The following ACMSD variants were observed in gnomAD, a reference collection of about 807,000 sequenced individuals.
ACMSD encodes aminocarboxymuconate semialdehyde decarboxylase, also known as 2-amino-3-carboxymuconate-6-semialdehyde decarboxylase.
A neutral mutation model predicts 45.9 loss-of-function variants in ACMSD; 37 were observed. The observed-to-expected ratio is 0.81, with a 90% CI of 0.62 to 1.06. ACMSD has a LOEUF of 1.06. Among genes scored for constraint, ACMSD ranks in the 50% least tolerant of loss-of-function variants. The pLI is 0.00. For missense variants in ACMSD, 434 were observed against 420.9 expected (o/e 1.03, Z -0.27); for synonymous variants, 138 against 148.8 (o/e 0.93, Z 0.53).
intron 1 of ACMSD, among the ~76,000 whole-genome samples, chr2:134,842,746 C>T (rs967353809): frequency 5.9e-5 from 9 of 152,186 alleles, no homozygotes; most frequent in Admixed American, 2.6e-4. Context: ...AAACTTATGT[C>T]CCCACCACTC....
chr2:134,848,285 GTA>G (rs1687175218), intron 2 of ACMSD, among the ~76,000 whole-genome samples: 1 of 152,090 alleles, frequency 6.6e-6, no homozygotes, highest in Non-Finnish European at 1.5e-5. Context: ...AATCCTTTGG[GTA>G]TATACCCAGT....
At chr2:134,839,254 G>A (rs887709787) in intron 1 of ACMSD, among the ~76,000 whole-genome samples, 1 of 152,014 alleles carries the variant, frequency 6.6e-6, no homozygotes, top group African/African-American at 2.4e-5. Flanking sequence ...ACTGTTTGAT[G>A]TTCTTTATTC....
In ACMSD at chr2:134,865,354, G is replaced by A. The variant is rs73962619; in HGVS notation, c.486+1723G>A. On this transcript the variant is annotated intron_variant, in intron 5 of 9. Coordinates refer to ENST00000356140, the MANE Select transcript of ACMSD (RefSeq NM_138326.3). ...TATGCATCCAAGTTGTTTCAGCACA[G>A]TGTGATCGAGACTTCAGCTGCAAGT... 3.4e-3 allele frequency among the ~76,000 whole-genome samples: 522 copies of A among 152,354 alleles called. 2 individuals are homozygous for A. The highest frequency in any genetic ancestry group is 0.012 in the African/African-American group (503 of 41,588).
At chr2:134,840,402 T>G (rs1686750634) in intron 1 of ACMSD, among the ~76,000 whole-genome samples, 1 of 151,948 alleles carries the variant, frequency 6.6e-6, no homozygotes, top group African/African-American at 2.4e-5. Context: ...ATTTTGAGGC[T>G]TAGAGAGAGC....
chr2:134,843,767 C>A (rs1042850550), intron 1 of ACMSD, among the ~76,000 whole-genome samples: 10 of 152,232 alleles, frequency 6.6e-5, no homozygotes, highest in African/African-American at 2.2e-4. Context: ...CCTCTGACAC[C>A]ACACTGTGAG....
intron 2 of ACMSD, 35 bp downstream of exon 2, chr2:134,845,312 C>T (rs1420452986): frequency 1.2e-6 from 2 of 1,613,512 alleles, no homozygotes; most frequent in African/African-American, 2.7e-5. Flanking sequence ...ATCAGTAGCA[C>T]TCAGGGAGAG....
Position 134,864,586 on chromosome 2 carries a change from C to T in ACMSD, c.486+955C>T, listed in dbSNP as rs373282532. 2.9e-4 allele frequency among the ~76,000 whole-genome samples: 44 copies of T among 151,724 alleles called. 1 individual carries two copies. In the East Asian group the frequency reaches 8.2e-3, roughly 28 times the overall value. On this transcript the variant is annotated intron_variant, in intron 5 of 9. Transcript: ENST00000356140. ...AACTGCAGAATATTCCAATATATGG[C>T]TATGCTTTGATTTATTTAACCAATC...
intron 6 of ACMSD, among the ~76,000 whole-genome samples, chr2:134,870,584 G>A (rs1477600028): frequency 1.3e-5 from 2 of 152,204 alleles, no homozygotes; most frequent in African/African-American, 2.4e-5. Flanking sequence ...TCTTACAGAT[G>A]AAATGTGGGC....
intron 8 of ACMSD, among the ~76,000 whole-genome samples, chr2:134,878,333 T>C (rs1055052560): frequency 2.0e-5 from 3 of 152,190 alleles, no homozygotes; most frequent in Non-Finnish European, 4.4e-5. Context: ...CTTTTCGTTT[T>C]GTTTTGTTTT....
chr2:134,886,242 TA>T lies in ACMSD; in HGVS notation c.850-12098del, dbSNP rs1347936659. Among the ~76,000 whole-genome samples the T allele has an allele frequency of 6.4e-5, 9 of 140,300 alleles. No individual in the cohort carries two copies. The East Asian group carries it at 1.7e-3, about 27-fold the overall frequency. 92.0% of individuals were successfully genotyped at this position (140,300 alleles called of 152,430 possible). A position where few individuals can be genotyped will look rare whatever the true frequency, so the allele number is the denominator to read the frequency against. On this transcript the variant is annotated intron_variant, in intron 8 of 9. Transcript: ENST00000356140. ...AAATTCATTACCCATTCATTATTAT[TA>T]TTATTTTTTTTTTTTTTTTTTTTTT...
intron 8 of ACMSD, among the ~76,000 whole-genome samples, chr2:134,880,474 C>T (rs12473839): frequency 0.5 from 76,149 of 151,886 alleles, 19,958 homozygotes; most frequent in Middle Eastern, 0.81. Flanking sequence ...TTCTGTCTTA[C>T]ATACCACCTC....
chr2:134,841,402 C>T (rs1029389982), intron 1 of ACMSD, among the ~76,000 whole-genome samples: 9 of 151,984 alleles, frequency 5.9e-5, no homozygotes, highest in African/African-American at 1.7e-4. Context: ...AGAATCAACA[C>T]GCCTGAAGTG....
At chr2:134,864,776 T>C (rs1006917461) in intron 5 of ACMSD, among the ~76,000 whole-genome samples, 1 of 152,214 alleles carries the variant, frequency 6.6e-6, no homozygotes, top group Non-Finnish European at 1.5e-5. Flanking sequence ...TATCTCATGG[T>C]AAAATGTATG....
intron 2 of ACMSD, among the ~76,000 whole-genome samples, chr2:134,852,125 G>T (rs60793693): frequency 0.51 from 77,298 of 151,916 alleles, 20,570 homozygotes; most frequent in Middle Eastern, 0.82. Context: ...ATTTATAAAG[G>T]TATAAACATG....
chr2:134,861,380 G>A (rs1331151357), intron 3 of ACMSD, among the ~76,000 whole-genome samples: 1 of 152,206 alleles, frequency 6.6e-6, no homozygotes, highest in Non-Finnish European at 1.5e-5. Flanking sequence ...TTCCTTGGCT[G>A]TCCCTGAGAG....
chr2:134,884,557 AGAG>A (rs1479530792), intron 8 of ACMSD, among the ~76,000 whole-genome samples: 1 of 152,200 alleles, frequency 6.6e-6, no homozygotes, highest in South Asian at 2.1e-4. Context: ...AGCTTTAGCA[AGAG>A]GAGTTTAGAA....
chr2:134,881,197 C>T (rs1405746795), intron 8 of ACMSD, among the ~76,000 whole-genome samples: 4 of 152,134 alleles, frequency 2.6e-5, no homozygotes, highest in South Asian at 4.1e-4. Context: ...GACATGGTTT[C>T]GCCATGTTGG....
intron 5 of ACMSD, 149 bp from the exon 6 acceptor site, chr2:134,867,430 T>A: frequency 1.8e-6 from 1 of 564,296 alleles, no homozygotes. Context: ...ATCTCTTCTA[T>A]ATAGATCATA....
At chr2:134,896,233 T>C (rs1180506303) in intron 8 of ACMSD, among the ~76,000 whole-genome samples, 18 of 152,154 alleles carry the variant, frequency 1.2e-4, no homozygotes, top group Non-Finnish European at 2.1e-4. Flanking sequence ...CTTTGTGACT[T>C]TGGGTTAGGC....
Sources: gnomAD v4.1 joint callset for allele counts (sites outside exome capture counted in the v4.1 genomes callset) on GRCh38, gnomAD v4.1.1 for gene constraint, MANE v1.5 for transcripts, NCBI Gene and HGNC (gene_info 2026-07-23, HGNC 2026-07-21) for gene names.